ASMT: variants seen among roughly 807,000 people sequenced by gnomAD.
ASMT encodes the protein acetylserotonin N-methyltransferase.
Under a neutral mutation model 41.3 loss-of-function variants are expected in ASMT, and 53 were observed. The ratio of observed to expected loss-of-function variants is 1.28; its 90% confidence interval spans 1.03 to 1.61. ASMT has a LOEUF of 1.61. ASMT is among the 40% of genes most tolerant of loss of function. The pLI is 0.00. For synonymous variants in ASMT, 231 were observed against 184.8 expected (o/e 1.25, Z -2.03); for missense variants, 531 against 441.3 (o/e 1.20, Z -1.82).
chrX:1,630,193 G>C (rs1934718702), intron 5 of ASMT, among the ~76,000 whole-genome samples: 1 of 151,956 alleles, frequency 6.6e-6, no homozygotes, highest in African/African-American at 2.4e-5. Context: ...CAGTGCAGTG[G>C]CATGATCTCG....
intron 1 of ASMT, among the ~76,000 whole-genome samples, chrX:1,617,120 C>T (rs1934163145): frequency 6.6e-6 from 1 of 151,888 alleles, no homozygotes; most frequent in Non-Finnish European, 1.5e-5. Context: ...CTGCAGTGAG[C>T]TATGATTGCA....
intron 1 of ASMT, among the ~76,000 whole-genome samples, chrX:1,622,238 CTCCT>C (rs1934362586): frequency 6.8e-6 from 1 of 147,602 alleles, no homozygotes; most frequent in Non-Finnish European, 1.5e-5. Flanking sequence ...GTGATCTACC[CTCCT>C]AGGCCTCCCA....
At chrX:1,641,629 G>C (rs1281230297) in intron 8 of ASMT, among the ~76,000 whole-genome samples, 4 of 144,002 alleles carry the variant, frequency 2.8e-5, no homozygotes, top group Non-Finnish European at 1.5e-5. Context: ...CAGTGTCCCA[G>C]TGTCCTGTGA....
At position 1,624,359 on chromosome X, in the gene ASMT, C is replaced by A; in HGVS notation, c.335C>A (p.Thr112Asn). The A allele has an allele frequency of 6.2e-7, 1 of 1,613,848 alleles. No homozygotes were observed. The highest frequency in any genetic ancestry group is 1.1e-5 in the South Asian group (1 of 91,072). Residue 112 changes from threonine (T) to asparagine (N), a missense_variant, in exon 3 of 9, where the codon ACC (threonine) becomes AAC (asparagine). By Grantham distance (65) the Thr-to-Asn change is moderately conservative (BLOSUM62 0). Coordinates refer to ENST00000381241, the MANE Select transcript of ASMT (RefSeq NM_001171038.2). Reference sequence around the variant, plus strand: ...AGCATGCTGAAGTACATGGGCAGGACCAGCTACCGGTGCTGGGGCCACCTG... The same window carrying A: ...AGCATGCTGAAGTACATGGGCAGGAACAGCTACCGGTGCTGGGGCCACCTG... ...QCSMLKYMGR[T>N]SYRCWGHLAD...
At position 1,641,362 on chromosome X, in the gene ASMT, T is replaced by TGA. The variant is rs768465532; in HGVS notation, c.911-1440_911-1439dup. 4.7e-5 allele frequency among the ~76,000 whole-genome samples: 5 copies of TGA among 105,500 alleles called. 1 individual carries two copies. The East Asian group carries it at 1.5e-3, about 32-fold the overall frequency. The allele number at this position is 105,500 out of a possible 152,430, so 69.2% of individuals were successfully genotyped here. A position where few individuals can be genotyped will look rare whatever the true frequency, so the allele number is the denominator to read the frequency against. On this transcript the variant is annotated intron_variant, in intron 8 of 8. Transcript: ENST00000381241. ...GATGTGGACACAGCCTCTGTGTGTG[T>TGA]GATAGGGACCATGTCCCAGTGTCCT...
intron 1 of ASMT, among the ~76,000 whole-genome samples, chrX:1,620,264 C>T (rs781102136): frequency 2.7e-5 from 4 of 147,894 alleles, no homozygotes; most frequent in South Asian, 2.2e-4. Flanking sequence ...CTCCGCCTCC[C>T]GGGTTCAGGC....
chrX:1,633,080 G>T (rs1934837314), intron 6 of ASMT, 70 bp from the exon 7 acceptor site: 3 of 1,591,732 alleles, frequency 1.9e-6, no homozygotes, highest in Non-Finnish European at 2.6e-6. Flanking sequence ...ATGAGTCCAT[G>T]GTGTGTGGAG....
chrX:1,628,515 G>A (rs1468166736), intron 4 of ASMT, among the ~76,000 whole-genome samples: 2 of 152,038 alleles, frequency 1.3e-5, no homozygotes, highest in African/African-American at 4.8e-5. Flanking sequence ...GCTGGCTGAG[G>A]CATGGAGTAG....
intron 4 of ASMT, among the ~76,000 whole-genome samples, chrX:1,628,602 C>T (rs1223062031): frequency 6.7e-6 from 1 of 148,954 alleles, no homozygotes; most frequent in South Asian, 2.2e-4. Flanking sequence ...CCTGCTCTCC[C>T]CTCCCCTCTC....
intron 3 of ASMT, among the ~76,000 whole-genome samples, chrX:1,626,423 G>C (rs112261589): frequency 0.038 from 5,780 of 151,708 alleles, 320 homozygotes; most frequent in African/African-American, 0.13. Context: ...GTAGAGACGG[G>C]GTTTCACCCT....
chrX:1,632,857 C>T, intron 6 of ASMT, 70 bp downstream of exon 6: 2 of 516,534 alleles, frequency 3.9e-6, no homozygotes, highest in Non-Finnish European at 7.0e-6. Flanking sequence ...CTGTCAGGGC[C>T]TGGGGGGCTG....
Position 1,629,826 on chromosome X carries a change from A to T in ASMT, c.449A>T (p.Glu150Val). Residue 150 changes from glutamate to valine, a missense_variant, in exon 5 of 9, where the codon GAG becomes GTG. Glu to Val is a moderately radical substitution (Grantham distance 121). Coordinates refer to ENST00000381241, the MANE Select transcript of ASMT (RefSeq NM_001171038.2). ...EELFTAIYRS[E>V]GERLQFMQAL... ...AGCGTGGTTTTGCATGCCAGGTCCG[A>T]GGGCGAGCGGCTACAGTTCATGCAA... 1.9e-6 allele frequency: 3 copies of T among 1,613,830 alleles called. No individual in the cohort carries two copies. Among genetic ancestry groups the T allele is most frequent in the Non-Finnish European group, 2.5e-6 (3 of 1,179,836 alleles).
intron 5 of ASMT, among the ~76,000 whole-genome samples, chrX:1,632,219 G>A (rs1329214503): frequency 2.6e-5 from 4 of 152,078 alleles, no homozygotes; most frequent in African/African-American, 4.8e-5. Flanking sequence ...GGACAGGTGC[G>A]CCGGCTTCAA....
chrX:1,623,969 T>G (rs1934430201), intron 2 of ASMT, among the ~76,000 whole-genome samples: 1 of 152,076 alleles, frequency 6.6e-6, no homozygotes, highest in Non-Finnish European at 1.5e-5. Context: ...ATTTTAGACA[T>G]TCTGTGGAAT....
chrX:1,640,365 CTG>C (rs1365539152), intron 8 of ASMT, among the ~76,000 whole-genome samples: 2 of 2,824 alleles, frequency 7.1e-4, no homozygotes, highest in Non-Finnish European at 8.7e-4. Flanking sequence ...GACACAGCCT[CTG>C]TGTGTGTGAT....
At chrX:1,628,551 G>A (rs1260165915) in intron 4 of ASMT, among the ~76,000 whole-genome samples, 1 of 152,056 alleles carries the variant, frequency 6.6e-6, no homozygotes, top group East Asian at 1.9e-4. Flanking sequence ...ACAAGGGGAT[G>A]CCTGAGTGGT....
intron 8 of ASMT, 152 bp downstream of exon 8, chrX:1,636,712 AAATAGG>A: frequency 8.5e-7 from 1 of 1,171,674 alleles, no homozygotes. Flanking sequence ...GACCTGAAAT[AAATAGG>A]GTCCTAATTT....
chrX:1,630,913 A>ATT (rs202113145), intron 5 of ASMT, among the ~76,000 whole-genome samples: 8 of 136,120 alleles, frequency 5.9e-5, no homozygotes, highest in African/African-American at 1.4e-4. Flanking sequence ...GTATTTATTT[A>ATT]TTTATTTTTT....
intron 3 of ASMT, among the ~76,000 whole-genome samples, chrX:1,627,313 G>A (rs1187247140): frequency 3.9e-5 from 5 of 129,510 alleles, no homozygotes; most frequent in Admixed American, 2.4e-4. Flanking sequence ...GCGACACAGC[G>A]AGACTCCATC....
Sources: gnomAD v4.1 joint callset for allele counts (sites outside exome capture counted in the v4.1 genomes callset) on GRCh38, gnomAD v4.1.1 for gene constraint, MANE v1.5 for transcripts, NCBI Gene and HGNC (gene_info 2026-07-23, HGNC 2026-07-21) for gene names.